The following RTTN variants were observed in gnomAD, a reference collection of about 807,000 sequenced individuals.
The protein encoded by RTTN is rotatin.
In RTTN, 182 loss-of-function variants were observed where a neutral mutation model predicts 269.2. The observed-to-expected ratio is 0.68, with a 90% CI of 0.60 to 0.76. RTTN has a LOEUF of 0.76. RTTN is among the 30% of genes least tolerant of loss of function. The probability of loss-of-function intolerance (pLI) is 0.00; values close to 1 mark genes in which losing one functional copy is unlikely to be tolerated. For missense variants in RTTN, 2,545 were observed against 2,608.6 expected, an observed-to-expected ratio of 0.98 and a Z score of 0.53; for synonymous variants, 1,006 against 963.5, an observed-to-expected ratio of 1.04 and a Z score of -0.82.
chr18:70,136,024 G>T (rs1002759037), intron 21 of RTTN, among the ~76,000 whole-genome samples: 17 of 152,108 alleles, frequency 1.1e-4, no homozygotes, highest in African/African-American at 3.9e-4. Context: ...CAAATTCAGG[G>T]AAGCAGCAAT....
chr18:70,193,577 G>T, intron 7 of RTTN, 124 bp from the exon 8 acceptor site: 1 of 694,862 alleles, frequency 1.4e-6, no homozygotes, highest in Non-Finnish European at 2.1e-6. Context: ...CTTCTACAGG[G>T]GTAAAAACAA....
chr18:70,188,334 T>C (rs2061594224), intron 9 of RTTN, 111 bp from the exon 10 acceptor site: 1 of 636,978 alleles, frequency 1.6e-6, no homozygotes, highest in East Asian at 2.7e-5. Flanking sequence ...CAACATTTTC[T>C]CTTTTTTTCT....
rs749171483 is a variant in RTTN at position 70,199,409 on chromosome 18, C to T, written c.578+5G>A. The T allele has an allele frequency of 1.1e-5, 17 of 1,589,318 alleles. No homozygotes were observed. The Admixed American group carries it at 1.8e-4, about 17-fold the overall frequency. On this transcript the variant is annotated splice_donor_5th_base_variant and intron_variant, in intron 5 of 48. Coordinates refer to ENST00000640769, the MANE Select transcript of RTTN (RefSeq NM_173630.4). The stretch of plus-strand genomic sequence containing the variant: ...AAATACCTGAAAATACATCAAGCAC[C>T]GTACCTTTCATTAGAGGAGAGGACA...
Position 70,134,516 on chromosome 18 carries a change from A to G in RTTN, c.2911T>C (p.Ser971Pro). 5 of 1,610,832 alleles carry G rather than the reference A, an allele frequency of 3.1e-6. No individual in the cohort carries two copies. The highest frequency in any genetic ancestry group is 3.4e-6 in the Non-Finnish European group (4 of 1,178,330). The stretch of plus-strand genomic sequence containing the variant: ...GGCAAACTGAAGACCGATGGCAAAG[A>G]AGGTTTATTGGAAGGATTAACAGAC... ...MWSVNPSNKPSLPSVFSLPVS... is the reference protein window; with the variant it reads ...MWSVNPSNKPPLPSVFSLPVS... The change falls in exon 23 of 49, where the codon TCT (serine) becomes CCT (proline). Residue 971 changes from serine (S) to proline (P), a missense_variant. Transcript: ENST00000640769.
At chr18:70,128,701 T>A in intron 23 of RTTN, 155 bp from the exon 24 acceptor site, 1 of 615,588 alleles carries the variant, frequency 1.6e-6, no homozygotes, top group Non-Finnish European at 2.9e-6. Flanking sequence ...TCATAATTTA[T>A]ACAGTATTTC....
chr18:70,181,838 T>G (rs1462903730), intron 10 of RTTN, among the ~76,000 whole-genome samples: 1 of 152,166 alleles, frequency 6.6e-6, no homozygotes, highest in Non-Finnish European at 1.5e-5. Context: ...TCAAATATAA[T>G]TTGAAGTACT....
chr18:70,069,040 C>A (rs1343956821), intron 34 of RTTN, among the ~76,000 whole-genome samples: 1 of 152,076 alleles, frequency 6.6e-6, no homozygotes, highest in Non-Finnish European at 1.5e-5. Context: ...GATGTTTGGT[C>A]AAAGAGTGCA....
intron 14 of RTTN, among the ~76,000 whole-genome samples, chr18:70,162,109 A>T (rs948595898): frequency 3.3e-5 from 5 of 152,220 alleles, no homozygotes; most frequent in African/African-American, 1.2e-4. Flanking sequence ...GGATCAACCT[A>T]GATGCCCATC....
At chr18:70,184,707 TTTTTTTTTTTGTGTG>T (rs2061496580) in intron 10 of RTTN, among the ~76,000 whole-genome samples, 1 of 60,728 alleles carries the variant, frequency 1.6e-5, no homozygotes, top group African/African-American at 6.0e-5. Context: ...CAGCAGGTTT[TTTTTTTTTTTGTGTG>T]TGTGTGTGTG....
chr18:70,058,584 T>A (rs1414967787), intron 36 of RTTN, among the ~76,000 whole-genome samples: 3 of 152,004 alleles, frequency 2.0e-5, no homozygotes, highest in Non-Finnish European at 4.4e-5. Flanking sequence ...AAGTCAAAAA[T>A]GAAAAACAGG....
intron 38 of RTTN, chr18:70,053,478 C>T (rs1163200447): frequency 6.6e-6 from 1 of 152,164 alleles, no homozygotes; most frequent in Non-Finnish European, 1.5e-5. Context: ...TGAGAACTGG[C>T]TTTGCTGGGT....
At chr18:70,056,562 A>G (rs769684239) in intron 37 of RTTN, among the ~76,000 whole-genome samples, 8 of 152,212 alleles carry the variant, frequency 5.3e-5, no homozygotes, top group Non-Finnish European at 8.8e-5. Context: ...ACAATGGAAC[A>G]TAACAGCCAG....
In RTTN at chr18:70,193,276, G is replaced by A. The variant is rs558523102; in HGVS notation, c.1007+12C>T. The A allele has an allele frequency of 1.1e-5, 17 of 1,605,126 alleles. No individual in the cohort carries two copies. The South Asian group carries it at 1.9e-4, about 18-fold the overall frequency. ...CATTTCTCATTTCCCCAGAGACACTGCTAGCAGTCACCTAGAGGACGCTGC... is the reference window on the plus strand; with the variant it reads ...CATTTCTCATTTCCCCAGAGACACTACTAGCAGTCACCTAGAGGACGCTGC... On this transcript the variant is annotated intron_variant, in intron 8 of 48. Coordinates refer to ENST00000640769, the MANE Select transcript of RTTN (RefSeq NM_173630.4).
rs529792970 is a variant in RTTN, at chr18:70,128,794, A to C, written c.2955-248T>G. On this transcript the variant is annotated intron_variant, in intron 23 of 48. Transcript: ENST00000640769. ...CTTACCACATTCTATGCTATATTAG[A>C]GTTGTTGTGGAGATAACTAATGCTC... 600 of 361,562 alleles carry C rather than the reference A, an allele frequency of 1.7e-3. 2 individuals carry two copies. The highest frequency in any genetic ancestry group is 4.3e-3 in the South Asian group (92 of 21,418). The allele number at this position is 361,562 out of a possible 1,614,324, so 22.4% of individuals were successfully genotyped here.
In RTTN at chr18:70,181,932, C is replaced by T. The variant is rs1309785567; in HGVS notation, c.1306-5087G>A. On this transcript the variant is annotated intron_variant, in intron 10 of 48. Transcript: ENST00000640769. The stretch of plus-strand genomic sequence containing the variant: ...TTAAAGTAAAAATAATTCATTGAAT[C>T]ATAAAGTACCAGCAGCCAAAAGTTA... 2.0e-5 allele frequency among the ~76,000 whole-genome samples: 3 copies of T among 152,214 alleles called. No homozygotes were observed. In the East Asian group the frequency reaches 5.8e-4, roughly 29 times the overall value.
chr18:70,032,118 C>T (rs185750920), intron 40 of RTTN, among the ~76,000 whole-genome samples: 21 of 152,312 alleles, frequency 1.4e-4, no homozygotes, highest in Non-Finnish European at 2.5e-4. Context: ...GCCAAGGATG[C>T]CCATCCCCTT....
At chr18:70,115,726 G>A (rs923373854) in intron 26 of RTTN, among the ~76,000 whole-genome samples, 2 of 151,868 alleles carry the variant, frequency 1.3e-5, no homozygotes, top group Admixed American at 1.3e-4. Flanking sequence ...CATCACTAGT[G>A]CATGTAAAAA....
chr18:70,169,107 T>TA (rs749528080), intron 11 of RTTN, 40 bp from the exon 12 acceptor site: 27 of 1,451,354 alleles, frequency 1.9e-5, no homozygotes, highest in African/African-American at 4.3e-5. Flanking sequence ...AAACTTTGTT[T>TA]AAAAAAAACT....
chr18:70,122,720 A>G (rs1473683354), intron 25 of RTTN, among the ~76,000 whole-genome samples: 4 of 152,156 alleles, frequency 2.6e-5, no homozygotes, highest in Non-Finnish European at 4.4e-5. Flanking sequence ...TTGTCTCATT[A>G]TTATTTTTCC....
Sources: gnomAD v4.1 joint callset for allele counts (sites outside exome capture counted in the v4.1 genomes callset) on GRCh38, gnomAD v4.1.1 for gene constraint, MANE v1.5 for transcripts, NCBI Gene and HGNC (gene_info 2026-07-23, HGNC 2026-07-21) for gene names.